Variants in PJA2 observed in about 807,000 individuals in gnomAD.
The protein encoded by PJA2 is praja ring finger ubiquitin ligase 2, also known as E3 ubiquitin-protein ligase Praja-2.
PJA2 carries 25 observed loss-of-function variants against 69.3 expected under a neutral mutation model. The ratio of observed to expected loss-of-function variants is 0.36; its 90% CI spans 0.26 to 0.50. PJA2 has a LOEUF of 0.50. Ranked by LOEUF, PJA2 falls within the 20% of genes least tolerant of loss-of-function variation. The probability of loss-of-function intolerance (pLI) is 0.96; values close to 1 mark genes in which losing one functional copy is unlikely to be tolerated. For missense variants in PJA2, 809 were observed against 830.2 expected (o/e 0.97, Z 0.31); for synonymous variants, 308 against 277.8 (o/e 1.11, Z -1.08).
chr5:109,355,493 G>A (rs1762398329), intron 7 of PJA2, among the ~76,000 whole-genome samples: 1 of 152,140 alleles, frequency 6.6e-6, no homozygotes, highest in Admixed American at 6.6e-5. Flanking sequence ...GGATAAGGAG[G>A]AGCAAATTTC....
intron 9 of PJA2, among the ~76,000 whole-genome samples, chr5:109,340,271 A>G (rs72793088): frequency 0.058 from 8,785 of 152,270 alleles, 355 homozygotes; most frequent in Non-Finnish European, 0.088. Flanking sequence ...TCATACAGAG[A>G]TATTTTATAA....
At chr5:109,394,134 G>T (rs887393601) in intron 1 of PJA2, among the ~76,000 whole-genome samples, 1 of 133,318 alleles carries the variant, frequency 7.5e-6, no homozygotes, top group African/African-American at 2.7e-5. Context: ...TGCAACATCC[G>T]CCTCCTGGGT....
chr5:109,371,410 GCAAA>G (rs1307856988), intron 4 of PJA2, among the ~76,000 whole-genome samples: 2 of 152,020 alleles, frequency 1.3e-5, no homozygotes, highest in Admixed American at 6.6e-5. Context: ...CTCTCATTCT[GCAAA>G]CACTTATTTT....
At chr5:109,340,875 C>G (rs1387679746) in intron 9 of PJA2, among the ~76,000 whole-genome samples, 3 of 99,576 alleles carry the variant, frequency 3.0e-5, no homozygotes, top group African/African-American at 9.3e-5. Context: ...CCCCTAACCG[C>G]GAGTGATCCG....
At chr5:109,376,471 C>T (rs1746890458) in intron 4 of PJA2, among the ~76,000 whole-genome samples, 1 of 151,916 alleles carries the variant, frequency 6.6e-6, no homozygotes, top group Non-Finnish European at 1.5e-5. Context: ...GACTACCTTT[C>T]TCTAGGGGTT....
At chr5:109,366,570 T>C (rs1157302556) in intron 5 of PJA2, among the ~76,000 whole-genome samples, 1 of 152,236 alleles carries the variant, frequency 6.6e-6, no homozygotes, top group Non-Finnish European at 1.5e-5. Context: ...TTCACATCAC[T>C]GTTTTATTCC....
intron 7 of PJA2, among the ~76,000 whole-genome samples, chr5:109,345,744 A>G (rs1582584742): frequency 1.3e-5 from 2 of 152,208 alleles, no homozygotes; most frequent in East Asian, 1.9e-4. Flanking sequence ...GAATGGCTAC[A>G]TCTACTACTG....
In PJA2 at chr5:109,378,311, G is replaced by A; in HGVS notation, c.1176C>T (p.Asn392=). The part of the protein sequence containing the change: ...RVITQRETEN[N]QMTSESGATA... Reference sequence around the variant, plus strand: ...TGGCTCCACTTTCTGATGTCATTTGGTTATTTTCTGTTTCCCTTTGTGTAA... The same window carrying A: ...TGGCTCCACTTTCTGATGTCATTTGATTATTTTCTGTTTCCCTTTGTGTAA... Residue 392 remains asparagine (N), a synonymous_variant, in exon 4 of 10, where the codon AAC becomes AAT. Transcript: ENST00000361189. 6.2e-7 allele frequency: 1 copy of A among 1,613,962 alleles called. No homozygotes were observed. The highest frequency in any genetic ancestry group is 8.5e-7 in the Non-Finnish European group (1 of 1,179,964).
rs1746962786 is a variant in PJA2 at position 109,378,733 on chromosome 5, T to G, written c.754A>C (p.Asn252His). The change falls in exon 4 of 10, where the codon AAT becomes CAT. Residue 252 changes from asparagine (N) to histidine (H), a missense_variant. By Grantham distance (68) the Asn-to-His change is moderately conservative. Around this residue, in one of 4 missense-constraint regions of PJA2, gnomAD observed 700 missense variants for 639.5 expected, o/e 1.09. Transcript: ENST00000361189. Reference sequence around the variant, plus strand: ...GAAGACCTCTGAATTTCCTGGCTATTCTGATGGACAAACTCAGTATCACCA... The same window carrying G: ...GAAGACCTCTGAATTTCCTGGCTATGCTGATGGACAAACTCAGTATCACCA... ...SAGDTEFVHQNSQEIQRSSQD... is the reference protein window; with the variant it reads ...SAGDTEFVHQHSQEIQRSSQD... 6.2e-7 allele frequency: 1 copy of G among 1,612,712 alleles called. No homozygotes were observed. The highest frequency in any genetic ancestry group is 1.7e-5 in the Admixed American group (1 of 59,996).
At chr5:109,348,423 A>T (rs1170623596) in intron 7 of PJA2, among the ~76,000 whole-genome samples, 1 of 152,214 alleles carries the variant, frequency 6.6e-6, no homozygotes, top group African/African-American at 2.4e-5. Flanking sequence ...CAAATTTCTC[A>T]AAAGTTTTAC....
chr5:109,388,418 G>A (rs1024575513), intron 1 of PJA2, among the ~76,000 whole-genome samples: 2 of 152,122 alleles, frequency 1.3e-5, no homozygotes, highest in African/African-American at 4.8e-5. Context: ...CCTGAATTTC[G>A]AACCCACTGG....
At chr5:109,373,814 A>G (rs2127004052) in intron 4 of PJA2, among the ~76,000 whole-genome samples, 1 of 152,328 alleles carries the variant, frequency 6.6e-6, no homozygotes, top group East Asian at 1.9e-4. Context: ...TTCAATTGTG[A>G]ACTAAAAAAA....
chr5:109,378,501 T>C lies in PJA2; in HGVS notation c.986A>G (p.Gln329Arg), dbSNP rs1234033581. 1 of 1,614,182 alleles carries C rather than the reference T, an allele frequency of 6.2e-7. No homozygotes were observed. Among genetic ancestry groups the C allele is most frequent in the East Asian group, 2.2e-5 (1 of 44,884 alleles). Residue 329 changes from glutamine (Q) to arginine (R), a missense_variant, in exon 4 of 10, where the codon CAA (glutamine) becomes CGA (arginine). Physicochemically the swap from Gln to Arg is conservative, Grantham distance 43. Coordinates refer to ENST00000361189, the MANE Select transcript of PJA2 (RefSeq NM_014819.5). ...RKLISSSQVD[Q>R]ETGFNRHEAK... Reference sequence around the variant, plus strand: ...CTCATGCCTATTAAAACCTGTTTCTTGGTCCACCTGGCTTGAACTTATCAG... The same window carrying C: ...CTCATGCCTATTAAAACCTGTTTCTCGGTCCACCTGGCTTGAACTTATCAG...
chr5:109,337,642 C>T (rs1486991576), intron 9 of PJA2, among the ~76,000 whole-genome samples: 1 of 152,126 alleles, frequency 6.6e-6, no homozygotes, highest in African/African-American at 2.4e-5. Flanking sequence ...AGCTGCTAAA[C>T]TCAGCAGTGA....
At chr5:109,360,353 C>T (rs1027799628) in intron 6 of PJA2, among the ~76,000 whole-genome samples, 3 of 152,114 alleles carry the variant, frequency 2.0e-5, no homozygotes, top group African/African-American at 4.8e-5. Flanking sequence ...AACACTAATG[C>T]AACTTCAATG....
chr5:109,400,118 G>A (rs375240990), intron 1 of PJA2, among the ~76,000 whole-genome samples: 15 of 151,736 alleles, frequency 9.9e-5, no homozygotes, highest in Admixed American at 3.9e-4. Flanking sequence ...AGTGATACCC[G>A]TCTCTACTAA....
intron 7 of PJA2, among the ~76,000 whole-genome samples, chr5:109,345,807 T>G (rs1370367099): frequency 1.3e-5 from 2 of 152,212 alleles, no homozygotes; most frequent in African/African-American, 4.8e-5. Flanking sequence ...CTAGGTTATC[T>G]GGGTTGTGAA....
intron 1 of PJA2, among the ~76,000 whole-genome samples, chr5:109,406,274 T>G (rs1012867251): frequency 6.6e-6 from 1 of 152,188 alleles, no homozygotes; most frequent in African/African-American, 2.4e-5. Flanking sequence ...TCTCCTGACC[T>G]CGTGATCCGC....
chr5:109,374,269 C>A (rs1762722414), intron 4 of PJA2, among the ~76,000 whole-genome samples: 1 of 152,136 alleles, frequency 6.6e-6, no homozygotes, highest in African/African-American at 2.4e-5. Context: ...CACATTTATA[C>A]CTAATGTGCT....
Sources: gnomAD v4.1 joint callset for allele counts (sites outside exome capture counted in the v4.1 genomes callset) on GRCh38, gnomAD v4.1.1 for gene constraint, gnomAD v4.1.1 regional missense constraint, MANE v1.5 for transcripts, NCBI Gene and HGNC (gene_info 2026-07-23, HGNC 2026-07-21) for gene names.